The following ANO3 variants were observed in gnomAD, a reference collection of about 807,000 sequenced individuals.
ANO3 encodes the protein anoctamin 3.
A neutral mutation model predicts 144.8 loss-of-function variants in ANO3; 99 were observed. The ratio of observed to expected loss-of-function variants is 0.68; its 90% CI spans 0.58 to 0.81. The LOEUF is 0.81. Ranked by LOEUF, ANO3 falls within the 30% of genes least tolerant of loss-of-function variation. The pLI, the probability that ANO3 is intolerant of heterozygous loss-of-function variation, is 0.00. For synonymous variants in ANO3, 414 were observed against 392.6 expected, an observed-to-expected ratio of 1.05 and a Z score of -0.64; for missense variants, 905 against 1,202.2, an observed-to-expected ratio of 0.75 and a Z score of 3.66.
At chr11:26,304,083 T>C (rs1854303467) in intron 1 of ANO3, among the ~76,000 whole-genome samples, 1 of 152,228 alleles carries the variant, frequency 6.6e-6, no homozygotes, top group Admixed American at 6.5e-5. Flanking sequence ...TTGGCTTTTA[T>C]AATATGTTGA....
At chr11:26,402,149 G>A (rs544223129) in intron 1 of ANO3, among the ~76,000 whole-genome samples, 77 of 152,038 alleles carry the variant, frequency 5.1e-4, no homozygotes, top group African/African-American at 1.2e-3. Context: ...GTATTTCTTT[G>A]GGTATATACC....
intron 1 of ANO3, among the ~76,000 whole-genome samples, chr11:26,344,952 A>G (rs1263339006): frequency 1.2e-5 from 1 of 83,524 alleles, no homozygotes; most frequent in African/African-American, 3.1e-5. Flanking sequence ...TATAAAACTT[A>G]CTTTTACATG....
intron 1 of ANO3, among the ~76,000 whole-genome samples, chr11:26,384,136 G>A (rs1044019443): frequency 2.6e-5 from 4 of 151,794 alleles, no homozygotes; most frequent in African/African-American, 7.3e-5. Context: ...TCTTAAACTC[G>A]TGATCCGCCC....
At chr11:26,601,423 T>C (rs980127783) in intron 17 of ANO3, among the ~76,000 whole-genome samples, 1 of 152,220 alleles carries the variant, frequency 6.6e-6, no homozygotes, top group African/African-American at 2.4e-5. Flanking sequence ...TACTGGAGTT[T>C]GCTTTGCTCG....
At chr11:26,371,961 C>T (rs4923354) in intron 1 of ANO3, among the ~76,000 whole-genome samples, 81,106 of 151,964 alleles carry the variant, frequency 0.53, 22,890 homozygotes, top group East Asian at 0.68. Context: ...TAAGTTCAGA[C>T]TTTGTGGTAC....
chr11:26,506,482 A>G (rs1359407050), intron 4 of ANO3, among the ~76,000 whole-genome samples: 1 of 152,234 alleles, frequency 6.6e-6, no homozygotes, highest in African/African-American at 2.4e-5. Context: ...GATAAGTGAT[A>G]GCTACTATTG....
At chr11:26,616,973 A>G (rs1852280048) in intron 17 of ANO3, among the ~76,000 whole-genome samples, 1 of 152,154 alleles carries the variant, frequency 6.6e-6, no homozygotes, top group Non-Finnish European at 1.5e-5. Flanking sequence ...GGGTTTCACC[A>G]TGCTGGCCAG....
In ANO3 at chr11:26,497,136, A is replaced by G. The variant is rs534489562; in HGVS notation, c.433-10968A>G. ...TATATGTATACACGTATATATGTAT[A>G]TACAAATATGTATACAGACATACAC... On this transcript the variant is annotated intron_variant, in intron 4 of 26. Coordinates refer to ENST00000256737, the MANE Select transcript of ANO3 (RefSeq NM_031418.4). Among the ~76,000 whole-genome samples, 19 of 151,908 alleles carry G rather than the reference A, an allele frequency of 1.3e-4. No homozygotes were observed. The South Asian group carries it at 3.5e-3, about 28-fold the overall frequency.
At chr11:26,366,056 A>T (rs1291745809) in intron 1 of ANO3, among the ~76,000 whole-genome samples, 1 of 149,066 alleles carries the variant, frequency 6.7e-6, no homozygotes, top group Non-Finnish European at 1.5e-5. Flanking sequence ...CAGGTTTGTT[A>T]CATATGTATA....
intron 1 of ANO3, among the ~76,000 whole-genome samples, chr11:26,407,017 T>A (rs1447388323): frequency 7.1e-6 from 1 of 141,474 alleles, no homozygotes; most frequent in African/African-American, 2.6e-5. Context: ...GGTGTGTATA[T>A]ATATATAGGT....
intron 1 of ANO3, among the ~76,000 whole-genome samples, chr11:26,266,632 A>C (rs562050688): frequency 6.6e-6 from 1 of 151,500 alleles, no homozygotes. Flanking sequence ...ACAGGAGTTG[A>C]CCATATTGAC....
In ANO3 at chr11:26,559,724, A is replaced by T. The variant is rs778610252; in HGVS notation, c.1392A>T (p.Thr464=). The T allele has an allele frequency of 2.5e-6, 4 of 1,611,054 alleles. No homozygotes were observed. The highest frequency in any genetic ancestry group is 2.5e-6 in the Non-Finnish European group (3 of 1,177,650). Residue 464 remains threonine (T), a synonymous_variant, in exon 14 of 27, where the codon ACA becomes ACT. Coordinates refer to ENST00000256737, the MANE Select transcript of ANO3 (RefSeq NM_031418.4). ...TCTGTTTGTTTTCTACTCAGGTGAC[A>T]TATTTGTTCGATAATGGAGGGACAG... The part of the protein sequence containing the change: ...LNDSCIYAKV[T]YLFDNGGTVF...
intron 4 of ANO3, among the ~76,000 whole-genome samples, chr11:26,505,037 A>AAAAAAAAAAAAAG (rs1861370186): frequency 8.0e-6 from 1 of 124,274 alleles, no homozygotes; most frequent in Admixed American, 9.1e-5. Flanking sequence ...AAAAAAAAAA[A>AAAAAAAAAAAAAG]AAGAAGAGAA....
chr11:26,622,173 G>C (rs1327206691), intron 17 of ANO3, among the ~76,000 whole-genome samples: 4 of 152,142 alleles, frequency 2.6e-5, no homozygotes, highest in Non-Finnish European at 5.9e-5. Flanking sequence ...AAATACCCCA[G>C]AAAGTCTTGC....
At chr11:26,553,373 C>G in intron 13 of ANO3, 28 bp downstream of exon 13, 1 of 1,505,010 alleles carries the variant, frequency 6.6e-7, no homozygotes, top group South Asian at 1.2e-5. Flanking sequence ...CATTCTCCTC[C>G]CTGAGCTGTA....
At chr11:26,513,603 T>G (rs1861750924) in intron 5 of ANO3, among the ~76,000 whole-genome samples, 1 of 152,110 alleles carries the variant, frequency 6.6e-6, no homozygotes, top group African/African-American at 2.4e-5. Context: ...ATGACTAGAC[T>G]TCAGGAACCA....
upstream of ANO3, among the ~76,000 whole-genome samples, chr11:26,329,152 C>G (rs922711014): frequency 6.6e-6 from 1 of 152,094 alleles, no homozygotes; most frequent in Non-Finnish European, 1.5e-5. Context: ...ACTTGCTATC[C>G]ATTCTTAAAC....
intron 14 of ANO3, chr11:26,563,395 CTGTGTGTG>C (rs71047867): frequency 0.36 from 192,676 of 536,664 alleles, 24,535 homozygotes; most frequent in Admixed American, 0.44. Context: ...GTTTCTCTCT[CTGTGTGTG>C]TGTGTGTGTG....
intron 12 of ANO3, among the ~76,000 whole-genome samples, chr11:26,549,906 G>C (rs11029606): frequency 0.052 from 7,952 of 151,808 alleles, 265 homozygotes; most frequent in Admixed American, 0.095. Flanking sequence ...ATTTTTAAAA[G>C]TCGTTTCTTA....
Sources: gnomAD v4.1 joint callset for allele counts (sites outside exome capture counted in the v4.1 genomes callset) on GRCh38, gnomAD v4.1.1 for gene constraint, MANE v1.5 for transcripts, NCBI Gene and HGNC (gene_info 2026-07-23, HGNC 2026-07-21) for gene names.